Variants in VWA8 observed in about 807,000 individuals in gnomAD.
VWA8 encodes von Willebrand factor A domain containing 8.
Under a neutral mutation model 241.5 loss-of-function variants are expected in VWA8, and 221 were observed. That is an observed-to-expected ratio of 0.91 (90% CI 0.82 to 1.02). VWA8 has a LOEUF of 1.02. VWA8 is among the 50% of genes least tolerant of loss of function. VWA8 has a pLI of 0.00. For missense variants in VWA8, 2,322 were observed against 2,328.7 expected, an observed-to-expected ratio of 1.00 and a Z score of 0.06; for synonymous variants, 852 against 827.1, an observed-to-expected ratio of 1.03 and a Z score of -0.52.
chr13:41,868,123 C>A (rs1873395977), intron 10 of VWA8, among the ~76,000 whole-genome samples: 1 of 152,112 alleles, frequency 6.6e-6, no homozygotes, highest in Admixed American at 6.6e-5. Flanking sequence ...TTGATTTTCC[C>A]ACAGGTCAAC....
At chr13:41,935,963 T>C (rs1481748455) in intron 2 of VWA8, among the ~76,000 whole-genome samples, 1 of 152,150 alleles carries the variant, frequency 6.6e-6, no homozygotes, top group Non-Finnish European at 1.5e-5. Context: ...AGGTTGCTTC[T>C]ACTTTCTATC....
At chr13:41,673,676 T>G (rs12868730) in intron 36 of VWA8, among the ~76,000 whole-genome samples, 3,255 of 152,332 alleles carry the variant, frequency 0.021, 43 homozygotes, top group South Asian at 0.062. Flanking sequence ...TTAAATAAAA[T>G]ATATTAAAAT....
At chr13:41,588,571 A>C (rs1219138267) in intron 41 of VWA8, among the ~76,000 whole-genome samples, 1 of 152,080 alleles carries the variant, frequency 6.6e-6, no homozygotes, top group Non-Finnish European at 1.5e-5. Flanking sequence ...AAAATACACA[A>C]ATCAGCTAGG....
At position 41,865,996 on chromosome 13, in the gene VWA8, G is replaced by C. The variant is rs1281192147; in HGVS notation, c.1253C>G (p.Ser418Ter). 1.9e-6 allele frequency: 3 copies of C among 1,614,184 alleles called. No homozygotes were observed. The highest frequency in any genetic ancestry group is 2.5e-6 in the Non-Finnish European group (3 of 1,180,046). Residue 418 changes from serine to a stop codon, truncating the protein, a stop_gained, in exon 11 of 45, where the codon TCA becomes TGA. Transcript: ENST00000379310. LOFTEE classifies it high-confidence loss of function. ...GCTCAAAGTCTGTATGAAACGGTCT[G>C]ACGCACAAGGTTGACTTAATAGCCT... ...GTRLLSQPCA[S>*]DRFIQTLSHK... is the part of the protein sequence containing the mutation.
At chr13:41,868,271 C>G (rs1469043173) in intron 10 of VWA8, 75 bp downstream of exon 10, 1 of 1,565,266 alleles carries the variant, frequency 6.4e-7, no homozygotes, top group Non-Finnish European at 8.7e-7. Context: ...ACAAGGAGAT[C>G]ATAAACCCAA....
chr13:41,909,310 T>C (rs1875883187), intron 3 of VWA8, among the ~76,000 whole-genome samples: 1 of 152,204 alleles, frequency 6.6e-6, no homozygotes, highest in Non-Finnish European at 1.5e-5. Flanking sequence ...TCTGCCCACC[T>C]GGGCCTCCCA....
At chr13:41,922,664 G>T (rs1346504009) in intron 2 of VWA8, among the ~76,000 whole-genome samples, 1 of 152,204 alleles carries the variant, frequency 6.6e-6, no homozygotes. Flanking sequence ...CATTTATGCA[G>T]CCAAAAGACA....
chr13:41,645,534 G>T (rs2044825495), intron 37 of VWA8, among the ~76,000 whole-genome samples: 1 of 152,148 alleles, frequency 6.6e-6, no homozygotes, highest in Admixed American at 6.5e-5. Flanking sequence ...ATTGCGGCAG[G>T]CCCCTTTTTA....
chr13:41,892,765 G>A (rs1264489850), intron 4 of VWA8, among the ~76,000 whole-genome samples: 1 of 152,124 alleles, frequency 6.6e-6, no homozygotes, highest in African/African-American at 2.4e-5. Flanking sequence ...TATCTGGGGT[G>A]TGAGCACCAT....
At chr13:41,948,944 A>C (rs1363744201) in intron 2 of VWA8, among the ~76,000 whole-genome samples, 2 of 151,056 alleles carry the variant, frequency 1.3e-5, no homozygotes, top group Non-Finnish European at 3.0e-5. Context: ...GCTCTTCATG[A>C]GAAAAAAAAT....
At chr13:41,570,443 T>C in intron 44 of VWA8, 25 bp downstream of exon 44, 2 of 1,601,456 alleles carry the variant, frequency 1.2e-6, no homozygotes, top group Non-Finnish European at 1.7e-6. Context: ...ACCTGCCCTT[T>C]TCTGTATGCT....
chr13:41,851,450 T>C (rs1872529261), intron 12 of VWA8, among the ~76,000 whole-genome samples: 2 of 152,200 alleles, frequency 1.3e-5, no homozygotes, highest in African/African-American at 4.8e-5. Context: ...TCAACTTGAA[T>C]TGTATCTCCC....
At chr13:41,704,421 TACTA>T (rs2045269771) in intron 26 of VWA8, among the ~76,000 whole-genome samples, 1 of 151,910 alleles carries the variant, frequency 6.6e-6, no homozygotes, top group Admixed American at 6.6e-5. Flanking sequence ...AACATGGCAA[TACTA>T]AAGTATAAAA....
intron 37 of VWA8, among the ~76,000 whole-genome samples, chr13:41,640,424 G>C (rs1160372787): frequency 6.6e-6 from 1 of 152,160 alleles, no homozygotes; most frequent in East Asian, 1.9e-4. Flanking sequence ...AAATTTTTAA[G>C]GATATTCTCC....
At chr13:41,654,245 T>G (rs2044886822) in intron 37 of VWA8, among the ~76,000 whole-genome samples, 1 of 152,192 alleles carries the variant, frequency 6.6e-6, no homozygotes, top group South Asian at 2.1e-4. Context: ...TGAAACAAGA[T>G]TCACATCATC....
At chr13:41,889,649 G>A (rs1270868170) in intron 5 of VWA8, among the ~76,000 whole-genome samples, 1 of 152,104 alleles carries the variant, frequency 6.6e-6, no homozygotes, top group Non-Finnish European at 1.5e-5. Context: ...AAAGTGCTAG[G>A]GTTACAGGTG....
chr13:41,763,674 T>A (rs1263949998), intron 20 of VWA8, among the ~76,000 whole-genome samples: 1 of 152,192 alleles, frequency 6.6e-6, no homozygotes, highest in Non-Finnish European at 1.5e-5. Context: ...ATTAGTTCTG[T>A]TAAATTCAGC....
intron 37 of VWA8, among the ~76,000 whole-genome samples, chr13:41,640,095 C>T (rs151336085): frequency 1.4e-4 from 22 of 152,306 alleles, no homozygotes; most frequent in African/African-American, 5.3e-4. Flanking sequence ...GGAAATGAAA[C>T]AACTCCCTCC....
intron 37 of VWA8, among the ~76,000 whole-genome samples, chr13:41,649,059 C>A (rs1427378092): frequency 1.3e-5 from 2 of 151,966 alleles, no homozygotes; most frequent in African/African-American, 4.8e-5. Flanking sequence ...TGGGGGGGTG[C>A]CTGTAATCCC....
Sources: allele counts gnomAD v4.1 joint callset (sites outside exome capture counted in the v4.1 genomes callset), GRCh38; gene constraint gnomAD v4.1.1; transcripts MANE v1.5; gene names NCBI Gene and HGNC (gene_info 2026-07-23, HGNC 2026-07-21).